HEYL: variants seen among roughly 807,000 people sequenced by gnomAD.
The protein encoded by HEYL is hairy/enhancer-of-split related with YRPW motif-like protein.
A neutral mutation model predicts 18.6 loss-of-function variants in HEYL; 12 were observed. The ratio of observed to expected loss-of-function variants is 0.65; its 90% CI spans 0.41 to 1.05. HEYL has a LOEUF of 1.05. HEYL is among the 50% of genes least tolerant of loss of function. HEYL has a pLI of 0.00. For missense variants in HEYL, 420 were observed against 444.7 expected, an observed-to-expected ratio of 0.94 and a Z score of 0.50; for synonymous variants, 159 against 179.6, an observed-to-expected ratio of 0.89 and a Z score of 0.91.
At chr1:39,627,292 G>A (rs1245020488) in intron 4 of HEYL, 112 bp from the exon 5 acceptor site, 15 of 953,284 alleles carry the variant, frequency 1.6e-5, no homozygotes, top group African/African-American at 1.0e-4. Flanking sequence ...CTGGGCAGCC[G>A]TGGCCATGTC....
intron 2 of HEYL, among the ~76,000 whole-genome samples, 181 bp from the exon 3 acceptor site, chr1:39,631,760 A>T (rs1646334765): frequency 6.6e-6 from 1 of 152,262 alleles, no homozygotes; most frequent in East Asian, 1.9e-4. Flanking sequence ...AAGGTCACAC[A>T]GCAAGAAAGC....
chr1:39,634,813 G>A (rs575566038), intron 1 of HEYL, among the ~76,000 whole-genome samples: 97 of 152,350 alleles, frequency 6.4e-4, no homozygotes, highest in African/African-American at 2.1e-3. Context: ...CATGAACCAT[G>A]TCTGTTACAT....
In HEYL at chr1:39,631,528, G is replaced by C. The variant is rs751498805; in HGVS notation, c.199C>G (p.Arg67Gly). ...DRINSSLSEL[R>G]RLVPTAFEKQ... Reference sequence around the variant, plus strand: ...TCAAAGGCAGTGGGGACCAAGCGTCGCAATTCAGAAAGGCTACTGTTGATG... The same window carrying C: ...TCAAAGGCAGTGGGGACCAAGCGTCCCAATTCAGAAAGGCTACTGTTGATG... The change falls in exon 3 of 5, where the codon CGA (arginine) becomes GGA (glycine). Residue 67 changes from arginine (R) to glycine (G), a missense_variant. Coordinates refer to ENST00000372852, the MANE Select transcript of HEYL (RefSeq NM_014571.4). The C allele has an allele frequency of 6.2e-7, 1 of 1,614,130 alleles. No individual in the cohort carries two copies. Among genetic ancestry groups the C allele is most frequent in the Non-Finnish European group, 8.5e-7 (1 of 1,179,994 alleles).
chr1:39,633,237 T>C (rs1167480484), intron 1 of HEYL: 2 of 443,860 alleles, frequency 4.5e-6, no homozygotes, highest in African/African-American at 4.2e-5. Flanking sequence ...GGCATCTGGG[T>C]CACAGGCCCC....
intron 2 of HEYL, among the ~76,000 whole-genome samples, chr1:39,632,236 A>G (rs926278226): frequency 2.6e-5 from 4 of 152,232 alleles, no homozygotes; most frequent in African/African-American, 9.6e-5. Context: ...CATGATGGAC[A>G]GATGACAGCG....
At chr1:39,628,746 C>A (rs891135304) in intron 4 of HEYL, among the ~76,000 whole-genome samples, 1 of 151,890 alleles carries the variant, frequency 6.6e-6, no homozygotes, top group Non-Finnish European at 1.5e-5. Context: ...TACAGGCGCC[C>A]ACCACCACAC....
In HEYL at chr1:39,626,707, T is replaced by C; in HGVS notation, c.787A>G (p.Ser263Gly). ...TGGCTGCTCCTGGCAGCCCTGCTGCTGGGGGCGACAGGCACAGGGGTCGCT... is the reference window on the plus strand; with the variant it reads ...TGGCTGCTCCTGGCAGCCCTGCTGCCGGGGGCGACAGGCACAGGGGTCGCT... ...RPATPVPVAPSSRAARSSHIA... is the reference protein window; with the variant it reads ...RPATPVPVAPGSRAARSSHIA... The change falls in exon 5 of 5, where the codon AGC becomes GGC. Residue 263 changes from serine (S) to glycine (G), a missense_variant. Transcript: ENST00000372852. 1 of 1,503,910 alleles carries C rather than the reference T, an allele frequency of 6.6e-7. No individual in the cohort carries two copies. The highest frequency in any genetic ancestry group is 8.9e-7 in the Non-Finnish European group (1 of 1,123,352). 93.2% of individuals were successfully genotyped at this position (1,503,910 alleles called of 1,614,324 possible). A position where few individuals can be genotyped will look rare whatever the true frequency, so the allele number is the denominator to read the frequency against.
At chr1:39,639,458 G>A in intron 1 of HEYL, 88 bp downstream of exon 1, 1 of 1,132,860 alleles carries the variant, frequency 8.8e-7, no homozygotes, top group Non-Finnish European at 1.2e-6. Context: ...GGTGCTGGAG[G>A]GCTGGCCCGC....
intron 1 of HEYL, among the ~76,000 whole-genome samples, chr1:39,636,718 T>C (rs1398898771): frequency 6.6e-6 from 1 of 152,206 alleles, no homozygotes; most frequent in Non-Finnish European, 1.5e-5. Context: ...AGTGAAGTAT[T>C]TTTTGGGCCA....
intron 2 of HEYL, 37 bp downstream of exon 2, chr1:39,632,612 T>TTTGTTGGTCAACTCAGAGGCTG (rs1646339862): frequency 6.3e-7 from 1 of 1,584,014 alleles, no homozygotes; most frequent in Non-Finnish European, 8.6e-7. Context: ...ATGGCAACCC[T>TTTGTTGGTCAACTCAGAGGCTG]TTGTTGGTCA....
intron 1 of HEYL, among the ~76,000 whole-genome samples, chr1:39,637,751 C>T (rs1646368186): frequency 6.6e-6 from 1 of 152,196 alleles, no homozygotes; most frequent in Admixed American, 6.5e-5. Context: ...ATCCTTTATG[C>T]CTCATGTAAG....
chr1:39,627,903 C>T (rs1460114476), intron 4 of HEYL, among the ~76,000 whole-genome samples: 1 of 152,170 alleles, frequency 6.6e-6, no homozygotes, highest in Non-Finnish European at 1.5e-5. Context: ...CTGAGTTTGT[C>T]CCTTGGCTCA....
rs552545622 is a variant in HEYL, at chr1:39,623,870, T to G, written c.*2637A>C. Among the ~76,000 whole-genome samples the G allele has an allele frequency of 1.2e-4, 18 of 152,326 alleles. No individual in the cohort carries two copies. The highest frequency in any genetic ancestry group is 2.4e-4 in the Non-Finnish European group (16 of 68,012). On this transcript the variant is annotated 3_prime_UTR_variant, in exon 5 of 5. Transcript: ENST00000372852. Reference sequence around the variant, plus strand: ...GAAGCTCAGGGAGCAAGTCTGGGACTGGCAAGAAATGAGGCTGGAAATGAG... The same window carrying G: ...GAAGCTCAGGGAGCAAGTCTGGGACGGGCAAGAAATGAGGCTGGAAATGAG...
intron 1 of HEYL, among the ~76,000 whole-genome samples, chr1:39,638,038 G>T (rs866393832): frequency 6.6e-6 from 1 of 152,206 alleles, no homozygotes; most frequent in East Asian, 1.9e-4. Context: ...CCACCACCAC[G>T]TGGTGCTGTG....
rs777506480 is a variant in HEYL, at chr1:39,626,627, C to T, written c.867G>A (p.Ser289=). The change falls in exon 5 of 5, where the codon TCG becomes TCA. Residue 289 remains serine (S), a synonymous_variant. Transcript: ENST00000372852. ...GGGTGGGAACAGCCACGTAAGCAGC[C>T]GACCCTGTAGGACCAGGGGGTGTTG... ...SSPTPPGPTG[S]AAYVAVPTPN... 8.1e-5 allele frequency: 126 copies of T among 1,548,912 alleles called. No individual in the cohort carries two copies. The highest frequency in any genetic ancestry group is 6.9e-4 in the East Asian group (29 of 42,214).
chr1:39,631,516 G>T lies in HEYL; in HGVS notation c.211C>A (p.Pro71Thr). 6.2e-7 allele frequency: 1 copy of T among 1,614,094 alleles called. No homozygotes were observed. Among genetic ancestry groups the T allele is most frequent in the South Asian group, 1.1e-5 (1 of 91,080 alleles). Reference sequence around the variant, plus strand: ...CATACCTGTTTCTCAAAGGCAGTGGGGACCAAGCGTCGCAATTCAGAAAGG... The same window carrying T: ...CATACCTGTTTCTCAAAGGCAGTGGTGACCAAGCGTCGCAATTCAGAAAGG... ...SSLSELRRLV[P>T]TAFEKQGSSK... The change falls in exon 3 of 5, where the codon CCC becomes ACC. Residue 71 changes from proline to threonine, a missense_variant. Coordinates refer to ENST00000372852, the MANE Select transcript of HEYL (RefSeq NM_014571.4).
chr1:39,631,578 A>C lies in HEYL; in HGVS notation c.149T>G (p.Ile50Ser), dbSNP rs1646333804. The part of the protein sequence containing the change: ...QMQARKKHRG[I>S]IEKRRRDRIN... ...GCGGTCTCGACGCCGTTTCTCTATG[A>C]TCTAAACAATCATGACAAGAAGTTA... The change falls in exon 3 of 5, where the codon ATC (isoleucine) becomes AGC (serine). Residue 50 changes from isoleucine (I) to serine (S), a missense_variant and splice_region_variant. Coordinates refer to ENST00000372852, the MANE Select transcript of HEYL (RefSeq NM_014571.4). 1 of 1,613,960 alleles carries C rather than the reference A, an allele frequency of 6.2e-7. No individual in the cohort carries two copies. Among genetic ancestry groups the C allele is most frequent in the African/African-American group, 1.3e-5 (1 of 75,056 alleles).
At position 39,626,438 on chromosome 1, in the gene HEYL, G is replaced by A. The variant is rs1413268739; in HGVS notation, c.*69C>T. On this transcript the variant is annotated 3_prime_UTR_variant, in exon 5 of 5. Coordinates refer to ENST00000372852, the MANE Select transcript of HEYL (RefSeq NM_014571.4). ...TCCATGAAGCAAAGCAGAAAAGGCA[G>A]TGCCCTTTTTTGGGCTCCTGGTAAA... The A allele has an allele frequency of 7.3e-7, 1 of 1,361,340 alleles. No individual in the cohort carries two copies. Among genetic ancestry groups the A allele is most frequent in the Non-Finnish European group, 9.8e-7 (1 of 1,021,482 alleles). 84.3% of individuals were successfully genotyped at this position (1,361,340 alleles called of 1,614,324 possible).
intron 3 of HEYL, among the ~76,000 whole-genome samples, chr1:39,630,995 C>A (rs1163886782): frequency 6.6e-6 from 1 of 152,190 alleles, no homozygotes; most frequent in Non-Finnish European, 1.5e-5. Flanking sequence ...TGCCTTGGTG[C>A]ATAGGGTGAG....
Sources: gnomAD v4.1 joint callset for allele counts (sites outside exome capture counted in the v4.1 genomes callset) on GRCh38, gnomAD v4.1.1 for gene constraint, MANE v1.5 for transcripts, NCBI Gene and HGNC (gene_info 2026-07-23, HGNC 2026-07-21) for gene names.